The following BIN2 variants were observed in gnomAD, a reference collection of about 807,000 sequenced individuals.
BIN2 encodes breast cancer associated protein BRAP1.
A neutral mutation model predicts 67.9 loss-of-function variants in BIN2; 43 were observed. That is an observed-to-expected ratio of 0.63 (90% CI 0.50 to 0.82). The LOEUF (loss-of-function observed/expected upper bound fraction) is 0.82. Ranked by LOEUF, BIN2 falls within the 40% of genes least tolerant of loss-of-function variation. The pLI, the probability that BIN2 is intolerant of heterozygous loss-of-function variation, is 0.00. For missense variants in BIN2, 581 were observed against 671.6 expected (o/e 0.87, Z 1.49); for synonymous variants, 244 against 246.8 (o/e 0.99, Z 0.11).
At chr12:51,306,366 T>C (rs1404566082) in intron 2 of BIN2, among the ~76,000 whole-genome samples, 2 of 152,136 alleles carry the variant, frequency 1.3e-5, no homozygotes, top group African/African-American at 4.8e-5. Flanking sequence ...GTAGCTCAAA[T>C]CTGTAATCCT....
Position 51,299,337 on chromosome 12 carries a change from A to G in BIN2, c.517-49T>C, listed in dbSNP as rs750117028. 7.2e-6 allele frequency: 11 copies of G among 1,527,404 alleles called. No homozygotes were observed. The South Asian group carries it at 1.1e-4, about 16-fold the overall frequency. The allele number at this position is 1,527,404 out of a possible 1,614,324, so 94.6% of individuals were successfully genotyped here. A position where few individuals can be genotyped will look rare whatever the true frequency, so the allele number is the denominator to read the frequency against. Reference sequence around the variant, plus strand: ...AATCTCCCTCAATTCTGAACCCAGTACTACAGCATGCCTCCTTCATCCTCT... The same window carrying G: ...AATCTCCCTCAATTCTGAACCCAGTGCTACAGCATGCCTCCTTCATCCTCT... On this transcript the variant is annotated intron_variant, in intron 6 of 12. Coordinates refer to ENST00000615107, the MANE Select transcript of BIN2 (RefSeq NM_016293.4).
intron 2 of BIN2, among the ~76,000 whole-genome samples, chr12:51,311,227 A>AT (rs1467173158): frequency 6.7e-6 from 1 of 149,008 alleles, no homozygotes; most frequent in Admixed American, 6.7e-5. Flanking sequence ...AATTTTTCTT[A>AT]TTTTTTGTAG....
Position 51,319,422 on chromosome 12 carries a change from G to A in BIN2, c.81+4600C>T, listed in dbSNP as rs1946212882. ...GTTAGGGCACTTATACTGTGTCATG[G>A]GTGTTCTTCCCAACGAAAGACCCTT... On this transcript the variant is annotated intron_variant, in intron 1 of 12. Transcript: ENST00000615107. Among the ~76,000 whole-genome samples the A allele has an allele frequency of 3.9e-5, 6 of 152,280 alleles. No individual in the cohort carries two copies. In the South Asian group the frequency reaches 1.2e-3, roughly 32 times the overall value.
At chr12:51,319,797 G>A (rs1166437183) in intron 1 of BIN2, among the ~76,000 whole-genome samples, 4 of 152,094 alleles carry the variant, frequency 2.6e-5, no homozygotes, top group Non-Finnish European at 2.9e-5. Flanking sequence ...GGTGGCTATA[G>A]TTCCCTACCA....
chr12:51,291,971 G>A lies in BIN2; in HGVS notation c.1135C>T (p.Gln379Ter). The change falls in exon 10 of 13, where the codon CAG (glutamine) becomes TAG (stop). Residue 379 changes from glutamine to a stop codon, truncating the protein, a stop_gained. Coordinates refer to ENST00000615107, the MANE Select transcript of BIN2 (RefSeq NM_016293.4). LOFTEE classifies it high-confidence loss of function. ...SPGGALSPSGQPSSSATEVVL... is the reference protein window; with the variant it reads ...SPGGALSPSG ...ACTTCTGTGGCAGATGATGAAGGCT[G>A]CCCTGAAGGGCTCAGGGCTCCGCCT... 3.7e-6 allele frequency: 6 copies of A among 1,614,226 alleles called. No individual in the cohort carries two copies. The highest frequency in any genetic ancestry group is 5.1e-6 in the Non-Finnish European group (6 of 1,180,040).
At chr12:51,288,303 G>T in intron 10 of BIN2, 115 bp from the exon 11 acceptor site, 1 of 769,020 alleles carries the variant, frequency 1.3e-6, no homozygotes, top group Non-Finnish European at 2.2e-6. Flanking sequence ...TCCCGAGGTA[G>T]CCTTGGTCAG....
At position 51,324,005 on chromosome 12, in the gene BIN2, G is replaced by A. The variant is rs1455089034; in HGVS notation, c.81+17C>T. 2 of 1,612,266 alleles carry A rather than the reference G, an allele frequency of 1.2e-6. No individual in the cohort carries two copies. The highest frequency in any genetic ancestry group is 1.7e-6 in the Non-Finnish European group (2 of 1,179,168). On this transcript the variant is annotated intron_variant, in intron 1 of 12. Coordinates refer to ENST00000615107, the MANE Select transcript of BIN2 (RefSeq NM_016293.4). The stretch of plus-strand genomic sequence containing the variant: ...GCTCCCTGTGGGCCAGACAGACAGC[G>A]AGGCCCGGCCACCTACCTTCTCCTG...
intron 7 of BIN2, among the ~76,000 whole-genome samples, chr12:51,298,687 T>A (rs1193497677): frequency 6.6e-6 from 1 of 152,154 alleles, no homozygotes; most frequent in African/African-American, 2.4e-5. Flanking sequence ...ATATAAAATA[T>A]TCTGACCATA....
At position 51,281,480 on chromosome 12, in the gene BIN2, G is replaced by T. The variant is rs569628124; in HGVS notation, c.*19C>A. On this transcript the variant is annotated 3_prime_UTR_variant, in exon 13 of 13. Coordinates refer to ENST00000615107, the MANE Select transcript of BIN2 (RefSeq NM_016293.4). ...TCTCTGGCGAGGTTTGGGGCAGGAG[G>T]AGTCTTGGTAGTTTCTCTTCAGAGT... 1 of 1,613,080 alleles carries T rather than the reference G, an allele frequency of 6.2e-7. No homozygotes were observed.
At position 51,302,770 on chromosome 12, in the gene BIN2, T is replaced by G; in HGVS notation, c.228A>C (p.Glu76Asp). ...GGGTTTCTGACACTCTTTTTGAACT[T>G]TCATGCATCACTGAAAGGAGAGAAT... ...NFLSAVKVMH[E>D]SSKRVSETLQ... Residue 76 changes from glutamate to aspartate, a missense_variant, in exon 4 of 13, where the codon GAA becomes GAC. By Grantham distance (45) the Glu-to-Asp change is conservative. Transcript: ENST00000615107. The G allele has an allele frequency of 6.2e-7, 1 of 1,613,604 alleles. No individual in the cohort carries two copies. Among genetic ancestry groups the G allele is most frequent in the Non-Finnish European group, 8.5e-7 (1 of 1,179,520 alleles).
At chr12:51,291,533 A>C in intron 10 of BIN2, 58 bp downstream of exon 10, 1 of 1,488,574 alleles carries the variant, frequency 6.7e-7, no homozygotes, top group Non-Finnish European at 9.0e-7. Flanking sequence ...CCTGAGTGAG[A>C]CCCTAGCTTA....
intron 6 of BIN2, 109 bp from the exon 7 acceptor site, chr12:51,299,397 T>C (rs1592264750): frequency 2.7e-6 from 3 of 1,095,446 alleles, no homozygotes; most frequent in East Asian, 2.4e-5. Context: ...TTAGGAGCCA[T>C]CCCTCTTCTT....
At chr12:51,307,918 T>C (rs1945912068) in intron 2 of BIN2, among the ~76,000 whole-genome samples, 1 of 152,108 alleles carries the variant, frequency 6.6e-6, no homozygotes, top group Admixed American at 6.6e-5. Context: ...CCCCGCTCCA[T>C]TTCTGTGTTT....
In BIN2 at chr12:51,307,846, G is replaced by T. The variant is rs539022378; in HGVS notation, c.163-4705C>A. On this transcript the variant is annotated intron_variant, in intron 2 of 12. Coordinates refer to ENST00000615107, the MANE Select transcript of BIN2 (RefSeq NM_016293.4). ...ATAAATGCACAGTGTTGAAAACTAG[G>T]GGGTACTCTATCACAGCCCAGAAAA... Among the ~76,000 whole-genome samples, 3 of 152,138 alleles carry T rather than the reference G, an allele frequency of 2.0e-5. No individual in the cohort carries two copies. In the South Asian group the frequency reaches 6.2e-4, roughly 31 times the overall value.
Position 51,291,788 on chromosome 12 carries a change from A to T in BIN2, c.1318T>A (p.Ser440Thr). ...SGNIPSSPTASGGGSPTSPRA... is the reference protein window; with the variant it reads ...SGNIPSSPTATGGGSPTSPRA... ...GGGCTGGTGGGTGAACCCCCTCCAG[A>T]GGCTGTAGGGCTGGAAGGTATGTTC... The change falls in exon 10 of 13, where the codon TCT (serine) becomes ACT (threonine). Residue 440 changes from serine (S) to threonine (T), a missense_variant. Coordinates refer to ENST00000615107, the MANE Select transcript of BIN2 (RefSeq NM_016293.4). The T allele has an allele frequency of 6.2e-7, 1 of 1,613,646 alleles. No homozygotes were observed. The highest frequency in any genetic ancestry group is 8.5e-7 in the Non-Finnish European group (1 of 1,179,784).
chr12:51,301,070 T>C (rs1469951381), intron 5 of BIN2, among the ~76,000 whole-genome samples: 2 of 151,934 alleles, frequency 1.3e-5, no homozygotes, highest in African/African-American at 4.8e-5. Context: ...ATACAAAAAT[T>C]AGCTGGGCTT....
chr12:51,320,638 T>C (rs867122687), intron 1 of BIN2, among the ~76,000 whole-genome samples: 1 of 113,562 alleles, frequency 8.8e-6, no homozygotes, highest in Non-Finnish European at 1.9e-5. Context: ...ATTATTCTTT[T>C]TTTTTTTTTT....
At chr12:51,314,071 G>A (rs1033767368) in intron 1 of BIN2, among the ~76,000 whole-genome samples, 168 bp from the exon 2 acceptor site, 5 of 148,672 alleles carry the variant, frequency 3.4e-5, no homozygotes, top group African/African-American at 9.8e-5. Flanking sequence ...TTTTTGAGAC[G>A]GAGTCTCACT....
At chr12:51,321,687 C>T (rs1946287857) in intron 1 of BIN2, among the ~76,000 whole-genome samples, 2 of 152,244 alleles carry the variant, frequency 1.3e-5, no homozygotes, top group South Asian at 4.1e-4. Context: ...GCGTGAGCCA[C>T]TGCACCCCGC....
Sources: allele counts gnomAD v4.1 joint callset (sites outside exome capture counted in the v4.1 genomes callset), GRCh38; gene constraint gnomAD v4.1.1; transcripts MANE v1.5; gene names NCBI Gene and HGNC (gene_info 2026-07-23, HGNC 2026-07-21).